The following FGF13 variants were observed in gnomAD, a reference collection of about 807,000 sequenced individuals.
FGF13 encodes fibroblast growth factor homologous factor 2.
Under a neutral mutation model 19.5 loss-of-function variants are expected in FGF13, and 2 were observed. That is an observed-to-expected ratio of 0.10 (90% CI 0.04 to 0.32). The LOEUF (loss-of-function observed/expected upper bound fraction) is 0.32, where lower values mean the gene tolerates loss of function less well. FGF13 is among the 10% of genes least tolerant of loss of function. The pLI, the probability that FGF13 is intolerant of heterozygous loss-of-function variation, is 1.00. For synonymous variants in FGF13, 72 were observed against 76.9 expected, an observed-to-expected ratio of 0.94 and a Z score of 0.33; for missense variants, 113 against 192.7, an observed-to-expected ratio of 0.59 and a Z score of 2.45.
chrX:138,848,846 CTA>C lies in FGF13; in HGVS notation c.217+8664_217+8665del, dbSNP rs200736534. 8.6e-3 allele frequency among the ~76,000 whole-genome samples: 962 copies of C among 111,758 alleles called. 8 individuals are homozygous for C. The highest frequency in any genetic ancestry group is 0.029 in the African/African-American group (895 of 30,835). ...CACAAACATAGCACTAGTCTGTGAA[CTA>C]TGTTACTTAATACAGTTCTTATTTA... On this transcript the variant is annotated intron_variant, in intron 3 of 6. Coordinates refer to the FGF13 transcript ENST00000436198.
At chrX:138,978,408 G>A (rs1487644060) in intron 1 of FGF13, among the ~76,000 whole-genome samples, 3 of 109,433 alleles carry the variant, frequency 2.7e-5, no homozygotes, top group Admixed American at 9.7e-5. Context: ...GATCACAGGC[G>A]CCCTCCACCA....
chrX:138,810,473 C>T (rs1480926640), intron 3 of FGF13, among the ~76,000 whole-genome samples: 1 of 111,532 alleles, frequency 9.0e-6, no homozygotes, highest in Non-Finnish European at 1.9e-5. Flanking sequence ...AAATGTTAGA[C>T]CTAAAACCAT....
chrX:139,086,663 A>C (rs971821999), intron 1 of FGF13, among the ~76,000 whole-genome samples: 3 of 112,589 alleles, frequency 2.7e-5, no homozygotes, highest in African/African-American at 9.7e-5. Flanking sequence ...GTGCCCCATT[A>C]ATAAAATACA....
intron 3 of FGF13, among the ~76,000 whole-genome samples, chrX:138,840,134 C>T (rs1569408824): frequency 8.9e-6 from 1 of 111,770 alleles, no homozygotes; most frequent in Non-Finnish European, 1.9e-5. Flanking sequence ...CTAGTTTCCA[C>T]TGAAACTGGA....
At chrX:138,992,528 G>A (rs1223962067) in intron 1 of FGF13, among the ~76,000 whole-genome samples, 1 of 110,101 alleles carries the variant, frequency 9.1e-6, no homozygotes, top group Non-Finnish European at 1.9e-5. Flanking sequence ...ATTTTATATA[G>A]CATGAGATAT....
intron 1 of FGF13, among the ~76,000 whole-genome samples, chrX:139,057,496 A>G (rs1009231533): frequency 1.8e-5 from 2 of 111,872 alleles, no homozygotes; most frequent in African/African-American, 6.5e-5. Context: ...ACTACCAGGT[A>G]TATACCCAAA....
At chrX:138,819,888 G>T (rs1374657535) in intron 3 of FGF13, among the ~76,000 whole-genome samples, 3 of 111,543 alleles carry the variant, frequency 2.7e-5, no homozygotes, top group Non-Finnish European at 5.7e-5. Flanking sequence ...ATTGTGATTT[G>T]CACTGAAGAT....
At chrX:138,854,422 C>A, downstream of FGF13, among the ~76,000 whole-genome samples, 1 of 110,627 alleles carries the variant, frequency 9.0e-6, no homozygotes, top group East Asian at 2.8e-4. Flanking sequence ...TTCTGAGGGC[C>A]CTGGACGTAA....
At chrX:139,037,541 C>T (rs993145347) in intron 1 of FGF13, among the ~76,000 whole-genome samples, 2 of 111,513 alleles carry the variant, frequency 1.8e-5, no homozygotes, top group Admixed American at 9.5e-5. Flanking sequence ...CGTTAGCAGT[C>T]TGTGTTTCTC....
intron 3 of FGF13, among the ~76,000 whole-genome samples, chrX:138,822,976 G>A (rs927317992): frequency 8.9e-6 from 1 of 111,798 alleles, no homozygotes; most frequent in Non-Finnish European, 1.9e-5. Context: ...ACACTGCACA[G>A]AGTAGTGTGG....
At chrX:139,192,565 G>A (rs1267589316) in intron 1 of FGF13, among the ~76,000 whole-genome samples, 5 of 112,294 alleles carry the variant, frequency 4.5e-5, no homozygotes, top group Non-Finnish European at 9.4e-5. Flanking sequence ...AGAGGCAGTA[G>A]GTCCCTAAAC....
chrX:139,155,710 G>C (rs1304305423), intron 1 of FGF13, among the ~76,000 whole-genome samples: 2 of 112,227 alleles, frequency 1.8e-5, no homozygotes, highest in East Asian at 5.6e-4. Flanking sequence ...AGTCTTCAGA[G>C]GCATGTTTGC....
At chrX:138,914,016 C>G in intron 1 of FGF13, among the ~76,000 whole-genome samples, 1 of 109,677 alleles carries the variant, frequency 9.1e-6, no homozygotes, top group Admixed American at 9.8e-5. Flanking sequence ...AATTCCTCCC[C>G]TTCCGGGCCT....
chrX:138,913,092 C>T (rs1337298426), intron 1 of FGF13, among the ~76,000 whole-genome samples: 1 of 110,250 alleles, frequency 9.1e-6, no homozygotes, highest in African/African-American at 3.3e-5. Flanking sequence ...CATCTCAAAC[C>T]CATTTGTAAC....
At chrX:138,703,819 A>G (rs2089969882) in intron 2 of FGF13, among the ~76,000 whole-genome samples, 1 of 111,663 alleles carries the variant, frequency 9.0e-6, no homozygotes, top group Non-Finnish European at 1.9e-5. Flanking sequence ...GGTTCAAGTG[A>G]TTCTCCTGTC....
At chrX:139,050,983 G>A (rs748294573) in intron 1 of FGF13, among the ~76,000 whole-genome samples, 17 of 111,764 alleles carry the variant, frequency 1.5e-4, no homozygotes, top group African/African-American at 5.2e-4. Context: ...ACTTTCAACT[G>A]CCTGGCATAA....
chrX:139,158,075 C>T (rs1845936013), intron 1 of FGF13, among the ~76,000 whole-genome samples: 1 of 111,726 alleles, frequency 9.0e-6, no homozygotes, highest in Admixed American at 9.5e-5. Context: ...GCATTCCAGC[C>T]CAGATACTAT....
At chrX:138,638,142 C>T (rs2089204660) in intron 3 of FGF13, among the ~76,000 whole-genome samples, 1 of 111,805 alleles carries the variant, frequency 8.9e-6, no homozygotes, top group African/African-American at 3.3e-5. Flanking sequence ...CTTCAGCTGG[C>T]AGGTTTGCTT....
chrX:139,121,603 G>A (rs2083677690), intron 1 of FGF13, among the ~76,000 whole-genome samples: 1 of 110,724 alleles, frequency 9.0e-6, no homozygotes, highest in South Asian at 3.9e-4. Flanking sequence ...ATTTTGCTTA[G>A]GCTGGTCTCA....
Sources: allele counts gnomAD v4.1 joint callset (sites outside exome capture counted in the v4.1 genomes callset), GRCh38; gene constraint gnomAD v4.1.1; transcripts MANE v1.5; gene names NCBI Gene and HGNC (gene_info 2026-07-23, HGNC 2026-07-21).